The following ERP44 variants were observed in gnomAD, a reference collection of about 807,000 sequenced individuals.
ERP44 encodes endoplasmic reticulum resident protein 44.
ERP44 carries 25 observed loss-of-function variants against 53.4 expected under a neutral mutation model. The ratio of observed to expected loss-of-function variants is 0.47; its 90% CI spans 0.34 to 0.65. The LOEUF (loss-of-function observed/expected upper bound fraction) is 0.65, where lower values mean the gene tolerates loss of function less well. Among genes scored for constraint, ERP44 ranks in the 30% least tolerant of loss-of-function variants. The pLI, the probability that ERP44 is intolerant of heterozygous loss-of-function variation, is 0.01. For synonymous variants in ERP44, 145 were observed against 161.2 expected (o/e 0.90, Z 0.76); for missense variants, 338 against 493.2 (o/e 0.69, Z 2.98).
intron 1 of ERP44, among the ~76,000 whole-genome samples, chr9:100,071,527 T>C (rs911107135): frequency 2.0e-5 from 3 of 152,236 alleles, no homozygotes; most frequent in Non-Finnish European, 4.4e-5. Flanking sequence ...AGTAGAGTAC[T>C]GTACGTATTC....
At chr9:99,990,193 G>C (rs1830238427) in intron 10 of ERP44, among the ~76,000 whole-genome samples, 1 of 152,116 alleles carries the variant, frequency 6.6e-6, no homozygotes, top group African/African-American at 2.4e-5. Context: ...TCCTCGACAA[G>C]AGCAACCCCA....
intron 8 of ERP44, 123 bp from the exon 9 acceptor site, chr9:100,007,812 A>G (rs1830436543): frequency 1.5e-6 from 1 of 665,246 alleles, no homozygotes; most frequent in Non-Finnish European, 2.7e-6. Context: ...CCCGGGGGAA[A>G]AAAAAGGCCC....
chr9:100,023,104 G>C (rs987333536), intron 4 of ERP44, among the ~76,000 whole-genome samples: 1 of 151,990 alleles, frequency 6.6e-6, no homozygotes, highest in Admixed American at 6.6e-5. Flanking sequence ...TCTGCTTTAG[G>C]AGCTGGTACT....
Position 99,983,664 on chromosome 9 carries a change from T to C in ERP44, c.1120-951A>G, listed in dbSNP as rs182648744. 1.3e-3 allele frequency among the ~76,000 whole-genome samples: 201 copies of C among 152,232 alleles called. 3 individuals are homozygous for C. The highest frequency in any genetic ancestry group is 0.013 in the Admixed American group (195 of 15,292). On this transcript the variant is annotated intron_variant, in intron 11 of 11. Coordinates refer to ENST00000262455, the MANE Select transcript of ERP44 (RefSeq NM_015051.3). ...CTCCTCATTTTAATATCCCCTGTAG[T>C]TGACATAGGCACACAGTGCATATAT...
intron 4 of ERP44, among the ~76,000 whole-genome samples, chr9:100,034,882 G>A (rs1825832302): frequency 6.6e-6 from 1 of 152,032 alleles, no homozygotes; most frequent in Admixed American, 6.6e-5. Context: ...CAGACACATA[G>A]AATAAAGGAA....
At chr9:100,087,845 A>C (rs1304585822) in intron 1 of ERP44, among the ~76,000 whole-genome samples, 1 of 152,162 alleles carries the variant, frequency 6.6e-6, no homozygotes, top group East Asian at 1.9e-4. Flanking sequence ...ACGCATATGC[A>C]CAGAATAAAA....
rs559859738 is a variant in ERP44, at chr9:100,053,313, T to C, written c.171-781A>G. ...AAGACTTCCTGTCTATATTTTCTTT[T>C]TTCTTTTACTTTAAACACAAGGCAC... is the stretch of plus-strand genomic sequence containing the variant. On this transcript the variant is annotated intron_variant, in intron 3 of 11. Coordinates refer to ENST00000262455, the MANE Select transcript of ERP44 (RefSeq NM_015051.3). Among the ~76,000 whole-genome samples, 100 of 152,334 alleles carry C rather than the reference T, an allele frequency of 6.6e-4. 1 individual carries two copies. Among genetic ancestry groups the C allele is most frequent in the African/African-American group, 2.3e-3 (95 of 41,574 alleles).
intron 1 of ERP44, among the ~76,000 whole-genome samples, chr9:100,079,371 C>G (rs1182255575): frequency 1.3e-5 from 2 of 149,930 alleles, no homozygotes; most frequent in Non-Finnish European, 3.0e-5. Flanking sequence ...ATTGTGGAAC[C>G]CTGTGATTGT....
chr9:100,022,275 GC>G, intron 4 of ERP44, 49 bp from the exon 5 acceptor site: 1 of 1,445,064 alleles, frequency 6.9e-7, no homozygotes, highest in Non-Finnish European at 9.3e-7. Flanking sequence ...GTCAGGGCAA[GC>G]CTGTTTGCCT....
At chr9:100,042,140 A>C (rs1173132910) in intron 4 of ERP44, among the ~76,000 whole-genome samples, 1 of 152,240 alleles carries the variant, frequency 6.6e-6, no homozygotes. Context: ...AACTGGAGAA[A>C]ATATTTGCCA....
At chr9:100,058,371 G>C (rs769819241) in intron 2 of ERP44, among the ~76,000 whole-genome samples, 1 of 151,962 alleles carries the variant, frequency 6.6e-6, no homozygotes, top group Non-Finnish European at 1.5e-5. Context: ...CCATCACACC[G>C]GGCTTCCTTC....
At chr9:100,050,038 GA>G (rs35771600) in intron 4 of ERP44, among the ~76,000 whole-genome samples, 67,309 of 138,358 alleles carry the variant, frequency 0.49, 16,640 homozygotes, top group East Asian at 0.9. Context: ...ACTAAGTCCA[GA>G]AAAAAAAAAA....
At chr9:100,052,627 T>A in intron 3 of ERP44, 95 bp from the exon 4 acceptor site, 204 of 524,522 alleles carry the variant, frequency 3.9e-4, no homozygotes, top group East Asian at 6.9e-4. Flanking sequence ...ATAGGCATAA[T>A]AAACGACTCT....
At chr9:100,096,466 T>G (rs1164183718) in intron 1 of ERP44, among the ~76,000 whole-genome samples, 1 of 152,094 alleles carries the variant, frequency 6.6e-6, no homozygotes, top group Non-Finnish European at 1.5e-5. Flanking sequence ...TGAGCTTTTG[T>G]GTTTAGTTAC....
At chr9:100,084,847 C>A (rs1488192849) in intron 1 of ERP44, among the ~76,000 whole-genome samples, 1 of 152,142 alleles carries the variant, frequency 6.6e-6, no homozygotes, top group Non-Finnish European at 1.5e-5. Context: ...TAAAGATAAT[C>A]CAGAGACACT....
rs1391418975 is a variant in ERP44, at chr9:100,062,574, G to A, written c.58-2402C>T. 4.6e-5 allele frequency among the ~76,000 whole-genome samples: 7 copies of A among 152,296 alleles called. No homozygotes were observed. In the East Asian group the frequency reaches 7.7e-4, roughly 17 times the overall value. On this transcript the variant is annotated intron_variant, in intron 1 of 11. Transcript: ENST00000262455. Reference sequence around the variant, plus strand: ...CAATAATATTTACAGTGTCTACTAGGTACTGAGGGCACAAATGCATACGGC... The same window carrying A: ...CAATAATATTTACAGTGTCTACTAGATACTGAGGGCACAAATGCATACGGC...
chr9:100,059,183 A>T (rs1354711479), intron 2 of ERP44, among the ~76,000 whole-genome samples: 1 of 152,098 alleles, frequency 6.6e-6, no homozygotes, highest in African/African-American at 2.4e-5. Context: ...GAATGTTGTA[A>T]CTCCTTTTGC....
rs138500750 is a variant in ERP44 at position 100,083,856 on chromosome 9, C to T, written c.57+14928G>A. Among the ~76,000 whole-genome samples, 8 of 152,238 alleles carry T rather than the reference C, an allele frequency of 5.3e-5. No individual in the cohort carries two copies. In the East Asian group the frequency reaches 9.6e-4, roughly 18 times the overall value. On this transcript the variant is annotated intron_variant, in intron 1 of 11. Transcript: ENST00000262455. ...GACTGGCTATCAAGATGCAATAGGA[C>T]GGGAGAAAAGCTCTAAGATAGTACA...
chr9:100,049,078 T>C (rs1031424395), intron 4 of ERP44, among the ~76,000 whole-genome samples: 1 of 152,028 alleles, frequency 6.6e-6, no homozygotes, highest in African/African-American at 2.4e-5. Flanking sequence ...ATTACATATG[T>C]GAAAAAAGAC....
Sources: allele counts gnomAD v4.1 joint callset (sites outside exome capture counted in the v4.1 genomes callset), GRCh38; gene constraint gnomAD v4.1.1; transcripts MANE v1.5; gene names NCBI Gene and HGNC (gene_info 2026-07-23, HGNC 2026-07-21).